CTNNA3: variants seen among roughly 807,000 people sequenced by gnomAD.
The protein encoded by CTNNA3 is catenin alpha 3.
CTNNA3 carries 76 observed loss-of-function variants against 95.7 expected under a neutral mutation model. That is an observed-to-expected ratio of 0.79 (90% CI 0.66 to 0.96). The LOEUF (loss-of-function observed/expected upper bound fraction) is 0.96. Among genes scored for constraint, CTNNA3 ranks in the 40% least tolerant of loss-of-function variants. The pLI, the probability that CTNNA3 is intolerant of heterozygous loss-of-function variation, is 0.00. For missense variants in CTNNA3, 1,191 were observed against 1,089.8 expected (o/e 1.09, Z -1.31); for synonymous variants, 431 against 374.4 (o/e 1.15, Z -1.74).
chr10:67,521,163 A>C (rs571735761), intron 5 of CTNNA3, among the ~76,000 whole-genome samples: 1 of 152,304 alleles, frequency 6.6e-6, no homozygotes, highest in Non-Finnish European at 1.5e-5. Flanking sequence ...TCAGCCTAGG[A>C]AGAGTAGTGA....
At chr10:67,203,715 A>C (rs1434120405) in intron 6 of CTNNA3, among the ~76,000 whole-genome samples, 1 of 152,166 alleles carries the variant, frequency 6.6e-6, no homozygotes, top group Non-Finnish European at 1.5e-5. Context: ...TCTACACATC[A>C]TTACTGATTA....
chr10:67,555,191 G>T (rs1262706234), intron 3 of CTNNA3, among the ~76,000 whole-genome samples: 1 of 152,188 alleles, frequency 6.6e-6, no homozygotes, highest in Non-Finnish European at 1.5e-5. Flanking sequence ...GTAGTGTGAT[G>T]CCTCCAGCTT....
intron 9 of CTNNA3, among the ~76,000 whole-genome samples, chr10:66,662,917 A>C (rs1371278084): frequency 6.6e-6 from 1 of 152,106 alleles, no homozygotes; most frequent in African/African-American, 2.4e-5. Flanking sequence ...AATCCTGCTT[A>C]AAATGTTTAC....
intron 9 of CTNNA3, among the ~76,000 whole-genome samples, chr10:66,711,104 G>A (rs1318864694): frequency 6.6e-6 from 1 of 151,820 alleles, no homozygotes; most frequent in African/African-American, 2.4e-5. Context: ...TACATTTTTG[G>A]TGAGTGAACA....
chr10:66,976,758 A>T (rs1850058200), intron 7 of CTNNA3, among the ~76,000 whole-genome samples: 1 of 152,140 alleles, frequency 6.6e-6, no homozygotes, highest in Non-Finnish European at 1.5e-5. Flanking sequence ...TATTCATTTC[A>T]TCTAGAGTAA....
At chr10:66,775,302 A>G in intron 8 of CTNNA3, 142 bp downstream of exon 8, 1 of 563,244 alleles carries the variant, frequency 1.8e-6, no homozygotes, top group Non-Finnish European at 3.1e-6. Context: ...GAATATATAA[A>G]TGTGGAAAGT....
intron 9 of CTNNA3, among the ~76,000 whole-genome samples, chr10:66,691,718 A>T (rs1221273490): frequency 6.6e-6 from 1 of 152,138 alleles, no homozygotes; most frequent in Non-Finnish European, 1.5e-5. Context: ...CCCCCAGTAG[A>T]GGCAGACTGA....
At chr10:66,633,409 A>T (rs183566107) in intron 9 of CTNNA3, among the ~76,000 whole-genome samples, 1 of 152,146 alleles carries the variant, frequency 6.6e-6, no homozygotes, top group Non-Finnish European at 1.5e-5. Flanking sequence ...GACCAGGTGC[A>T]GTGGCTCACG....
intron 7 of CTNNA3, among the ~76,000 whole-genome samples, chr10:67,088,805 C>A (rs900538828): frequency 2.6e-5 from 4 of 151,992 alleles, no homozygotes; most frequent in African/African-American, 7.2e-5. Flanking sequence ...TGAAAATCTG[C>A]AAATTTATAT....
intron 7 of CTNNA3, among the ~76,000 whole-genome samples, chr10:67,154,947 C>T (rs1336599955): frequency 6.6e-6 from 1 of 152,210 alleles, no homozygotes; most frequent in East Asian, 1.9e-4. Flanking sequence ...TGGATAACAT[C>T]TACCTTATCC....
intron 11 of CTNNA3, among the ~76,000 whole-genome samples, chr10:66,436,796 A>G (rs1477173057): frequency 2.6e-5 from 4 of 152,098 alleles, no homozygotes; most frequent in Non-Finnish European, 5.9e-5. Context: ...TGGTCTTTAC[A>G]ATTTGATATG....
chr10:67,562,263 C>A (rs1057201984), intron 3 of CTNNA3, among the ~76,000 whole-genome samples: 1 of 152,118 alleles, frequency 6.6e-6, no homozygotes, highest in Admixed American at 6.6e-5. Flanking sequence ...AAACTGAATC[C>A]AGCAGCACAT....
At chr10:66,704,021 T>C (rs1848037598) in intron 9 of CTNNA3, among the ~76,000 whole-genome samples, 2 of 152,244 alleles carry the variant, frequency 1.3e-5, no homozygotes, top group South Asian at 4.1e-4. Context: ...TCAATATTCA[T>C]TTCCTCATTA....
intron 3 of CTNNA3, among the ~76,000 whole-genome samples, chr10:67,589,597 C>T (rs1228298068): frequency 6.6e-6 from 1 of 152,058 alleles, no homozygotes; most frequent in Non-Finnish European, 1.5e-5. Flanking sequence ...AAATGCTGAG[C>T]CAGGCTTATT....
At chr10:67,089,567 C>T (rs1231524685) in intron 7 of CTNNA3, among the ~76,000 whole-genome samples, 2 of 151,972 alleles carry the variant, frequency 1.3e-5, no homozygotes, top group African/African-American at 2.4e-5. Context: ...TATTGAATCA[C>T]TTCTCAGCAA....
intron 1 of CTNNA3, among the ~76,000 whole-genome samples, chr10:67,648,124 T>C (rs1839772605): frequency 6.6e-6 from 1 of 152,160 alleles, no homozygotes; most frequent in Admixed American, 6.5e-5. Flanking sequence ...AAGGCATTGA[T>C]ATTTGGTCAA....
chr10:67,025,022 C>A (rs1015700448), intron 7 of CTNNA3, among the ~76,000 whole-genome samples: 1 of 150,836 alleles, frequency 6.6e-6, no homozygotes, highest in African/African-American at 2.4e-5. Context: ...CTCAGCTACT[C>A]GGGAGGCTGA....
intron 3 of CTNNA3, among the ~76,000 whole-genome samples, chr10:67,553,715 G>A (rs1294355937): frequency 6.6e-6 from 1 of 151,204 alleles, no homozygotes; most frequent in African/African-American, 2.4e-5. Flanking sequence ...CAATAGAAAT[G>A]AATTATATTT....
At chr10:67,511,826 G>T (rs537552314) in intron 5 of CTNNA3, among the ~76,000 whole-genome samples, 1 of 152,196 alleles carries the variant, frequency 6.6e-6, no homozygotes, top group South Asian at 2.1e-4. Context: ...GTCTGATCCT[G>T]GACTTTTTTT....
Sources: allele counts gnomAD v4.1 joint callset (sites outside exome capture counted in the v4.1 genomes callset), GRCh38; gene constraint gnomAD v4.1.1; transcripts MANE v1.5; gene names NCBI Gene and HGNC (gene_info 2026-07-23, HGNC 2026-07-21).